Variants in TRPC5 observed in about 807,000 individuals in gnomAD.
The protein encoded by TRPC5 is short transient receptor potential channel 5.
In TRPC5, 9 loss-of-function variants were observed where a neutral mutation model predicts 56.5. That is an observed-to-expected ratio of 0.16 (90% confidence interval 0.10 to 0.28). TRPC5 has a LOEUF of 0.28. Ranked by LOEUF, TRPC5 falls within the 10% of genes least tolerant of loss-of-function variation. The pLI, the probability that TRPC5 is intolerant of heterozygous loss-of-function variation, is 1.00. For missense variants in TRPC5, 469 were observed against 748.9 expected, an observed-to-expected ratio of 0.63 and a Z score of 4.36; for synonymous variants, 282 against 278.5, an observed-to-expected ratio of 1.01 and a Z score of -0.13.
intron 3 of TRPC5, among the ~76,000 whole-genome samples, chrX:111,897,636 T>C (rs903787599): frequency 1.8e-5 from 2 of 111,916 alleles, no homozygotes; most frequent in African/African-American, 6.5e-5. Flanking sequence ...TCATACAGCA[T>C]ATAATCTTTT....
intron 7 of TRPC5, among the ~76,000 whole-genome samples, chrX:111,821,570 G>A (rs984470434): frequency 2.7e-5 from 3 of 111,705 alleles, no homozygotes; most frequent in African/African-American, 9.8e-5. Context: ...GCCAGGCTAT[G>A]GCACAAGGCT....
chrX:111,976,927 A>G (rs1399337788), intron 1 of TRPC5, among the ~76,000 whole-genome samples: 2 of 111,614 alleles, frequency 1.8e-5, no homozygotes, highest in Non-Finnish European at 3.8e-5. Context: ...CTTAGGAATT[A>G]ACTTAACCAA....
chrX:111,968,714 C>G (rs890525999), intron 1 of TRPC5, among the ~76,000 whole-genome samples: 1 of 105,309 alleles, frequency 9.5e-6, no homozygotes, highest in Non-Finnish European at 1.9e-5. Context: ...TCTCAGCAAA[C>G]TATCGCAAGG....
intron 3 of TRPC5, among the ~76,000 whole-genome samples, chrX:111,898,084 A>AT (rs1925154948): frequency 9.1e-6 from 1 of 109,670 alleles, no homozygotes; most frequent in Admixed American, 9.8e-5. Context: ...TCTACTGAGT[A>AT]TATTGCGGTA....
intron 2 of TRPC5, among the ~76,000 whole-genome samples, chrX:111,935,545 A>T (rs1926545543): frequency 8.9e-6 from 1 of 112,048 alleles, no homozygotes; most frequent in Admixed American, 9.5e-5. Context: ...ATCTTTGCCC[A>T]GACCAATGTC....
At chrX:111,959,840 C>T (rs1927328276) in intron 1 of TRPC5, among the ~76,000 whole-genome samples, 1 of 111,410 alleles carries the variant, frequency 9.0e-6, no homozygotes, top group African/African-American at 3.3e-5. Flanking sequence ...CCCAGGTGAA[C>T]CTAACATGCA....
intron 1 of TRPC5, among the ~76,000 whole-genome samples, chrX:111,969,165 A>G (rs992496782): frequency 9.0e-6 from 1 of 111,229 alleles, no homozygotes; most frequent in Admixed American, 9.6e-5. Flanking sequence ...TCCACCAGCA[A>G]AAAGATTATG....
chrX:112,033,371 A>C (rs1446822485), intron 1 of TRPC5, among the ~76,000 whole-genome samples: 1 of 109,151 alleles, frequency 9.2e-6, no homozygotes, highest in East Asian at 2.9e-4. Flanking sequence ...AGTATAATTA[A>C]AAAAATAGAG....
rs73639663 is a variant in TRPC5, at chrX:111,879,027, G to T, written c.901-24921C>A. ...GATCCGGAATATCAAAGTTAAGCTA[G>T]AAAGAGGTCTAGTTACAGCAGCGGT... On this transcript the variant is annotated intron_variant, in intron 3 of 10. Transcript: ENST00000262839. Among the ~76,000 whole-genome samples, 1,103 of 112,198 alleles carry T rather than the reference G, an allele frequency of 9.8e-3. 12 individuals carry two copies. The highest frequency in any genetic ancestry group is 0.034 in the African/African-American group (1,057 of 30,877).
Position 111,879,956 on chromosome X carries a change from A to G in TRPC5, c.901-25850T>C, listed in dbSNP as rs763858425. Among the ~76,000 whole-genome samples, 125 of 111,357 alleles carry G rather than the reference A, an allele frequency of 1.1e-3. No individual in the cohort carries two copies. In the Middle Eastern group the frequency reaches 0.014, roughly 12 times the overall value. ...TCAAATGGGTAAGTGATTCCACTTT[A>G]TAGAAGGAAGAACCGAAGACCAAAA... On this transcript the variant is annotated intron_variant, in intron 3 of 10. Transcript: ENST00000262839.
intron 1 of TRPC5, among the ~76,000 whole-genome samples, chrX:112,062,627 T>C (rs1172631669): frequency 8.9e-6 from 1 of 112,259 alleles, no homozygotes; most frequent in African/African-American, 3.2e-5. Flanking sequence ...TATAGGTAAA[T>C]GCAGAGGAAG....
At chrX:112,051,168 T>C (rs1294799412) in intron 1 of TRPC5, among the ~76,000 whole-genome samples, 14 of 112,493 alleles carry the variant, frequency 1.2e-4, no homozygotes. Context: ...TCTGCATTGA[T>C]GCTGTTTCCT....
rs2148572426 is a variant in TRPC5, at chrX:111,825,137, TCC to T, written c.1896+9782_1896+9783del. Reference sequence around the variant, plus strand: ...CTTTCTTTTCTTTCTTTTCCTTCCTTCCTTCCTTCCTTTCTTTCTTTCTTTCT... The same window carrying T: ...CTTTCTTTTCTTTCTTTTCCTTCCTTTTCCTTCCTTTCTTTCTTTCTTTCT... On this transcript the variant is annotated intron_variant, in intron 7 of 10. Transcript: ENST00000262839. 1.0e-4 allele frequency among the ~76,000 whole-genome samples: 8 copies of T among 77,159 alleles called. 1 individual carries two copies. The highest frequency in any genetic ancestry group is 3.7e-4 in the Admixed American group (3 of 8,108). The allele number at this position is 77,159 out of a possible 115,157, so 67.0% of individuals were successfully genotyped here.
intron 2 of TRPC5, among the ~76,000 whole-genome samples, chrX:111,942,947 A>G (rs1490850526): frequency 4.5e-5 from 5 of 111,920 alleles, no homozygotes; most frequent in Non-Finnish European, 9.4e-5. Flanking sequence ...CATTTTTTTA[A>G]TGAATAAATG....
chrX:112,049,065 T>C (rs1033550026), intron 1 of TRPC5, among the ~76,000 whole-genome samples: 6 of 111,993 alleles, frequency 5.4e-5, no homozygotes, highest in African/African-American at 2.0e-4. Flanking sequence ...TGAGTAACCT[T>C]GCAAGAGATA....
chrX:112,014,747 A>G (rs1444519968), intron 1 of TRPC5, among the ~76,000 whole-genome samples: 2 of 111,962 alleles, frequency 1.8e-5, no homozygotes, highest in African/African-American at 6.5e-5. Flanking sequence ...AAAACAGGGC[A>G]TGGACCAGGT....
intron 2 of TRPC5, among the ~76,000 whole-genome samples, chrX:111,934,709 G>A (rs1409969756): frequency 9.0e-6 from 1 of 111,445 alleles, no homozygotes; most frequent in Non-Finnish European, 1.9e-5. Context: ...AAATGAGTGA[G>A]AACATGAGAA....
chrX:112,030,320 C>G (rs1483327060), intron 1 of TRPC5, among the ~76,000 whole-genome samples: 1 of 112,520 alleles, frequency 8.9e-6, no homozygotes, highest in Non-Finnish European at 1.9e-5. Flanking sequence ...TAAATGAGAA[C>G]TCTAAGCCTC....
At chrX:111,821,436 T>C (rs1453015366) in intron 7 of TRPC5, among the ~76,000 whole-genome samples, 1 of 111,839 alleles carries the variant, frequency 8.9e-6, no homozygotes, top group Non-Finnish European at 1.9e-5. Context: ...GTAATTCTGC[T>C]GTCAGATCTC....
Sources: gnomAD v4.1 joint callset for allele counts (sites outside exome capture counted in the v4.1 genomes callset) on GRCh38, gnomAD v4.1.1 for gene constraint, MANE v1.5 for transcripts, NCBI Gene and HGNC (gene_info 2026-07-23, HGNC 2026-07-21) for gene names.